PHF20: variants seen among roughly 807,000 people sequenced by gnomAD.
PHF20 encodes PHD finger protein 20, also known as glioma-expressed antigen 2.
In PHF20, 23 loss-of-function variants were observed where a neutral mutation model predicts 113.5. That is an observed-to-expected ratio of 0.20 (90% confidence interval 0.15 to 0.29). PHF20 has a LOEUF of 0.29. Among genes scored for constraint, PHF20 ranks in the 10% least tolerant of loss-of-function variants. The pLI is 1.00. For missense variants in PHF20, 943 were observed against 1,219.6 expected, an observed-to-expected ratio of 0.77 and a Z score of 3.38; for synonymous variants, 434 against 457.3, an observed-to-expected ratio of 0.95 and a Z score of 0.65.
chr20:35,792,149 TG>T (rs1270067369), intron 1 of PHF20, among the ~76,000 whole-genome samples: 1 of 152,128 alleles, frequency 6.6e-6, no homozygotes, highest in Non-Finnish European at 1.5e-5. Flanking sequence ...TTCAAGTATC[TG>T]GGAAGAAAGT....
Position 35,941,054 on chromosome 20 carries a change from C to G in PHF20, c.2896+7C>G. 1 of 1,609,574 alleles carries G rather than the reference C, an allele frequency of 6.2e-7. No homozygotes were observed. The highest frequency in any genetic ancestry group is 8.5e-7 in the Non-Finnish European group (1 of 1,177,054). Reference sequence around the variant, plus strand: ...ATTGAGAAGGAGTTGGATGGTAGGGCTCCTTCATTGGCCCCCTGTGCATTG... The same window carrying G: ...ATTGAGAAGGAGTTGGATGGTAGGGGTCCTTCATTGGCCCCCTGTGCATTG... On this transcript the variant is annotated splice_region_variant and intron_variant, in intron 17 of 17. Transcript: ENST00000374012.
intron 9 of PHF20, among the ~76,000 whole-genome samples, chr20:35,875,145 C>A (rs2054495373): frequency 6.6e-6 from 1 of 151,860 alleles, no homozygotes; most frequent in African/African-American, 2.4e-5. Context: ...CGCCTGTAAT[C>A]CCAGCACTCT....
In PHF20 at chr20:35,871,686, C is replaced by T. The variant is rs2054423920; in HGVS notation, c.1139C>T (p.Ser380Leu). 6.2e-7 allele frequency: 1 copy of T among 1,613,462 alleles called. No individual in the cohort carries two copies. Among genetic ancestry groups the T allele is most frequent in the East Asian group, 2.2e-5 (1 of 44,874 alleles). ...TCTGCTTTGGAAGCTGGCCAGGTCTCATCTGCACTGACTTGCCACTCCTTT... is the reference window on the plus strand; with the variant it reads ...TCTGCTTTGGAAGCTGGCCAGGTCTTATCTGCACTGACTTGCCACTCCTTT... ...LKSALEAGQV[S>L]SALTCHSFGD... is the part of the protein sequence containing the mutation. The change falls in exon 9 of 18, where the codon TCA becomes TTA. Residue 380 changes from serine to leucine, a missense_variant. Physicochemically the swap from Ser to Leu is moderately radical, Grantham distance 145 (BLOSUM62 -2). This residue lies in a region of PHF20 where 592 missense variants were observed against 787.2 expected (regional missense o/e 0.75). Coordinates refer to ENST00000374012, the MANE Select transcript of PHF20 (RefSeq NM_016436.5).
At chr20:35,872,946 TG>T (rs1345268007) in intron 9 of PHF20, among the ~76,000 whole-genome samples, 3 of 152,168 alleles carry the variant, frequency 2.0e-5, no homozygotes, top group Non-Finnish European at 4.4e-5. Flanking sequence ...TTGATTTTTG[TG>T]GGGTTTTTTT....
intron 9 of PHF20, among the ~76,000 whole-genome samples, chr20:35,897,934 G>A (rs991596040): frequency 7.9e-5 from 12 of 151,676 alleles, no homozygotes; most frequent in African/African-American, 2.9e-4. Context: ...GTAGTGCGGT[G>A]GTGTGATCTT....
At chr20:35,851,442 CA>C (rs2042729203) in intron 4 of PHF20, among the ~76,000 whole-genome samples, 1 of 152,134 alleles carries the variant, frequency 6.6e-6, no homozygotes, top group African/African-American at 2.4e-5. Context: ...ACTGATTCTA[CA>C]TTTGAAATGT....
rs189526249 is a variant in PHF20 at position 35,948,550 on chromosome 20, T to C, written c.*923T>C. 6.5e-6 allele frequency: 1 copy of C among 152,816 alleles called. No individual in the cohort carries two copies. Among genetic ancestry groups the C allele is most frequent in the African/African-American group, 2.4e-5 (1 of 41,596 alleles). 9.5% of individuals were successfully genotyped at this position (152,816 alleles called of 1,614,324 possible). On this transcript the variant is annotated 3_prime_UTR_variant, in exon 18 of 18. Coordinates refer to ENST00000374012, the MANE Select transcript of PHF20 (RefSeq NM_016436.5). The stretch of plus-strand genomic sequence containing the variant: ...ACTTCAAATTCTACATGTGCGACTT[T>C]TCTCCTTCCTGAAGGGTGTTTAGTA...
At chr20:35,803,264 A>G (rs1047551294) in intron 2 of PHF20, among the ~76,000 whole-genome samples, 1 of 151,408 alleles carries the variant, frequency 6.6e-6, no homozygotes, top group African/African-American at 2.4e-5. Context: ...AAAAAAAAAA[A>G]AAAGAAAAAA....
intron 9 of PHF20, among the ~76,000 whole-genome samples, chr20:35,880,022 A>G (rs1378700416): frequency 6.6e-6 from 1 of 152,016 alleles, no homozygotes; most frequent in Non-Finnish European, 1.5e-5. Context: ...GAGAAAGGAG[A>G]GAGAGAAAGA....
At chr20:35,845,764 C>A (rs1444284929) in intron 3 of PHF20, among the ~76,000 whole-genome samples, 1 of 151,076 alleles carries the variant, frequency 6.6e-6, no homozygotes, top group Non-Finnish European at 1.5e-5. Flanking sequence ...CTCAGCCCTG[C>A]CTTCTATTTT....
intron 9 of PHF20, among the ~76,000 whole-genome samples, chr20:35,896,704 G>T (rs1437596330): frequency 1.3e-5 from 2 of 151,310 alleles, no homozygotes; most frequent in Non-Finnish European, 1.5e-5. Flanking sequence ...AGGAGGCTGA[G>T]GCTGGAGAAT....
At chr20:35,797,513 CAAAAA>C (rs1396205999) in intron 1 of PHF20, among the ~76,000 whole-genome samples, 1 of 81,034 alleles carries the variant, frequency 1.2e-5, no homozygotes. Flanking sequence ...GACCCTGTCT[CAAAAA>C]AAAAAAAAAG....
rs933515729 is a variant in PHF20 at position 35,780,424 on chromosome 20, C to T, written c.-33+8345C>T. On this transcript the variant is annotated intron_variant, in intron 1 of 17. Coordinates refer to ENST00000374012, the MANE Select transcript of PHF20 (RefSeq NM_016436.5). The stretch of plus-strand genomic sequence containing the variant: ...GTATTTTTAGTAGAGACAGGGGTTT[C>T]GCCATGTTAGCCAGGATGGTCTCGA... Among the ~76,000 whole-genome samples, 7 of 151,360 alleles carry T rather than the reference C, an allele frequency of 4.6e-5. No homozygotes were observed. The South Asian group carries it at 1.0e-3, about 23-fold the overall frequency.
rs866114682 is a variant in PHF20, at chr20:35,801,516, A to T, written c.-7A>T. On this transcript the variant is annotated 5_prime_UTR_variant, in exon 2 of 18. Coordinates refer to ENST00000374012, the MANE Select transcript of PHF20 (RefSeq NM_016436.5). ...GAGAATAAAGGCAGCCCCGTTGATG[A>T]CTGAAAATGACAAAGCATCCACCTA... The T allele has an allele frequency of 6.2e-7, 1 of 1,609,848 alleles. No homozygotes were observed. The highest frequency in any genetic ancestry group is 1.3e-5 in the African/African-American group (1 of 74,938).
intron 2 of PHF20, among the ~76,000 whole-genome samples, chr20:35,807,061 C>T (rs941355493): frequency 6.6e-6 from 1 of 152,088 alleles, no homozygotes; most frequent in Non-Finnish European, 1.5e-5. Flanking sequence ...TCCCAAAGTG[C>T]TGGGATTACA....
intron 3 of PHF20, among the ~76,000 whole-genome samples, chr20:35,845,136 T>C (rs2042600308): frequency 6.6e-6 from 1 of 152,172 alleles, no homozygotes; most frequent in Non-Finnish European, 1.5e-5. Context: ...AAAATCATAC[T>C]GTATGTAACA....
intron 4 of PHF20, chr20:35,851,033 A>C: frequency 2.8e-6 from 1 of 362,646 alleles, no homozygotes; most frequent in South Asian, 3.1e-5. Context: ...ACCTCAAATG[A>C]TCCACCCGCC....
intron 2 of PHF20, among the ~76,000 whole-genome samples, chr20:35,819,508 G>T (rs1489329062): frequency 6.6e-6 from 1 of 152,050 alleles, no homozygotes. Flanking sequence ...ATCATAGTTC[G>T]CTTCCATTTC....
At chr20:35,803,684 A>ATGTG (rs11472633) in intron 2 of PHF20, among the ~76,000 whole-genome samples, 2,792 of 144,372 alleles carry the variant, frequency 0.019, 78 homozygotes, top group African/African-American at 0.07. Flanking sequence ...GTATATATAT[A>ATGTG]TGTGTGTGTG....
Sources: allele counts gnomAD v4.1 joint callset (sites outside exome capture counted in the v4.1 genomes callset), GRCh38; gene constraint gnomAD v4.1.1; regional missense constraint gnomAD v4.1.1; transcripts MANE v1.5; gene names NCBI Gene and HGNC (gene_info 2026-07-23, HGNC 2026-07-21).